The following EIF4EBP2 variants were observed in gnomAD, a reference collection of about 807,000 sequenced individuals.
EIF4EBP2 encodes eukaryotic translation initiation factor 4E-binding protein 2.
A neutral mutation model predicts 10.3 loss-of-function variants in EIF4EBP2; 5 were observed. That is an observed-to-expected ratio of 0.48 (90% CI 0.25 to 1.02). The LOEUF (loss-of-function observed/expected upper bound fraction) is 1.02, where lower values mean the gene tolerates loss of function less well. Ranked by LOEUF, EIF4EBP2 falls within the 50% of genes least tolerant of loss-of-function variation. EIF4EBP2 has a pLI of 0.15. For missense variants in EIF4EBP2, 188 were observed against 162.2 expected (o/e 1.16, Z -0.86); for synonymous variants, 67 against 61.1 (o/e 1.10, Z -0.45).
Position 70,425,155 on chromosome 10 carries a change from G to A in EIF4EBP2, c.*3408G>A, listed in dbSNP as rs1043013543. 6.6e-6 allele frequency: 1 copy of A among 152,254 alleles called. No homozygotes were observed. The highest frequency in any genetic ancestry group is 2.4e-5 in the African/African-American group (1 of 41,458). The allele number at this position is 152,254 out of a possible 1,614,324, so 9.4% of individuals were successfully genotyped here. A position where few individuals can be genotyped will look rare whatever the true frequency, so the allele number is the denominator to read the frequency against. On this transcript the variant is annotated 3_prime_UTR_variant, in exon 3 of 3. Coordinates refer to ENST00000373218, the MANE Select transcript of EIF4EBP2 (RefSeq NM_004096.5). The stretch of plus-strand genomic sequence containing the variant: ...GCAGGATGCCTCAGTTTCTTCCCAT[G>A]TGGGTCTCTGCGTAGGGCAGCATGA...
At position 70,419,893 on chromosome 10, in the gene EIF4EBP2, C is replaced by G. The variant is rs58812979; in HGVS notation, c.146-21C>G. Reference sequence around the variant, plus strand: ...ATAACCCCTTAAATTGTTTCAAACTCTTTTTAACCCTGTTTTCCAGGAACT... The same window carrying G: ...ATAACCCCTTAAATTGTTTCAAACTGTTTTTAACCCTGTTTTCCAGGAACT... On this transcript the variant is annotated intron_variant, in intron 1 of 2. Transcript: ENST00000373218. 1,237 of 1,540,130 alleles carry G rather than the reference C, an allele frequency of 8.0e-4. 10 individuals carry two copies. In the African/African-American group the frequency reaches 0.015, roughly 19 times the overall value.
chr10:70,422,293 C>T lies in EIF4EBP2; in HGVS notation c.*546C>T, dbSNP rs1845166204. ...GAAATGATAAAAAGAGAGCTGCTTT[C>T]CCTTTTACCTTGAGGTATTCGTCCC... is the stretch of plus-strand genomic sequence containing the variant. On this transcript the variant is annotated 3_prime_UTR_variant, in exon 3 of 3. Coordinates refer to ENST00000373218, the MANE Select transcript of EIF4EBP2 (RefSeq NM_004096.5). 1 of 152,800 alleles carries T rather than the reference C, an allele frequency of 6.5e-6. No homozygotes were observed. The highest frequency in any genetic ancestry group is 2.4e-5 in the African/African-American group (1 of 41,464). The allele number at this position is 152,800 out of a possible 1,614,324, so 9.5% of individuals were successfully genotyped here.
intron 1 of EIF4EBP2, 133 bp from the exon 2 acceptor site, chr10:70,419,781 A>G (rs1437820314): frequency 2.9e-6 from 2 of 695,488 alleles, no homozygotes; most frequent in African/African-American, 3.7e-5. Flanking sequence ...GAGGTTAGAG[A>G]TTATGCTTTC....
In EIF4EBP2 at chr10:70,415,010, A is replaced by T. The variant is rs564824285; in HGVS notation, c.146-4904A>T. On this transcript the variant is annotated intron_variant, in intron 1 of 2. Transcript: ENST00000373218. ...CGTCTCTACAAAAAATACAAAAATT[A>T]TTTTTTTCTGGGTGACATGTGCCTG... Among the ~76,000 whole-genome samples the T allele has an allele frequency of 8.6e-5, 13 of 151,152 alleles. No individual in the cohort carries two copies. In the South Asian group the frequency reaches 2.7e-3, roughly 32 times the overall value.
intron 2 of EIF4EBP2, among the ~76,000 whole-genome samples, chr10:70,420,335 G>A (rs1044579975): frequency 2.4e-4 from 36 of 152,140 alleles, no homozygotes; most frequent in African/African-American, 8.0e-4. Context: ...GAGTAGCGGG[G>A]ATTACAGGCG....
chr10:70,408,233 G>T (rs1382264455), intron 1 of EIF4EBP2, among the ~76,000 whole-genome samples: 1 of 145,344 alleles, frequency 6.9e-6, no homozygotes, highest in South Asian at 2.2e-4. Flanking sequence ...CTTCCTGGAC[G>T]GGGCGGCTGG....
At chr10:70,416,837 G>A (rs1168886410) in intron 1 of EIF4EBP2, among the ~76,000 whole-genome samples, 1 of 151,314 alleles carries the variant, frequency 6.6e-6, no homozygotes, top group Non-Finnish European at 1.5e-5. Flanking sequence ...GCTAATTTTT[G>A]TATTTTTTTT....
intron 2 of EIF4EBP2, among the ~76,000 whole-genome samples, chr10:70,420,420 T>G (rs779665755): frequency 3.9e-5 from 6 of 152,052 alleles, no homozygotes; most frequent in Non-Finnish European, 8.8e-5. Flanking sequence ...AGGCTGTTCT[T>G]GAACTCCTGA....
Position 70,428,273 on chromosome 10 carries a change from A to C in EIF4EBP2, c.*6526A>C, listed in dbSNP as rs1243777291. The stretch of plus-strand genomic sequence containing the variant: ...TGTCCATTTTATGCATCTTTAAAAT[A>C]TTTTATTTAAAAAAAAAAATAGCCC... On this transcript the variant is annotated 3_prime_UTR_variant, in exon 3 of 3. Coordinates refer to ENST00000373218, the MANE Select transcript of EIF4EBP2 (RefSeq NM_004096.5). 1 of 151,684 alleles carries C rather than the reference A, an allele frequency of 6.6e-6. No homozygotes were observed. The highest frequency in any genetic ancestry group is 2.4e-5 in the African/African-American group (1 of 41,176). The allele number at this position is 151,684 out of a possible 1,614,324, so 9.4% of individuals were successfully genotyped here. A position where few individuals can be genotyped will look rare whatever the true frequency, so the allele number is the denominator to read the frequency against.
intron 1 of EIF4EBP2, among the ~76,000 whole-genome samples, chr10:70,409,496 A>G (rs1023612725): frequency 1.3e-4 from 20 of 152,204 alleles, no homozygotes; most frequent in African/African-American, 4.8e-4. Context: ...GAAGTTAAGT[A>G]ACTTGTTAGT....
intron 1 of EIF4EBP2, among the ~76,000 whole-genome samples, chr10:70,405,599 A>C (rs530885424): frequency 2.6e-5 from 4 of 152,254 alleles, no homozygotes; most frequent in East Asian, 3.9e-4. Context: ...GAGGGTGGGG[A>C]CTTCGCAGCT....
chr10:70,421,945 G>T lies in EIF4EBP2; in HGVS notation c.*198G>T. On this transcript the variant is annotated 3_prime_UTR_variant, in exon 3 of 3. Transcript: ENST00000373218. ...TGACCATTTCTTCTCCCTGTCTCCT[G>T]TTCCCCTTCCCAGTTAAACAGGTTA... is the stretch of plus-strand genomic sequence containing the variant. 1.7e-6 allele frequency: 1 copy of T among 573,684 alleles called. No homozygotes were observed. Among genetic ancestry groups the T allele is most frequent in the East Asian group, 2.8e-5 (1 of 35,540 alleles). 35.5% of individuals were successfully genotyped at this position (573,684 alleles called of 1,614,324 possible). A position where few individuals can be genotyped will look rare whatever the true frequency, so the allele number is the denominator to read the frequency against.
intron 1 of EIF4EBP2, among the ~76,000 whole-genome samples, chr10:70,409,467 A>G (rs1230172106): frequency 6.6e-6 from 1 of 152,202 alleles, no homozygotes. Flanking sequence ...TTTATTATTG[A>G]GAGAAATTGG....
chr10:70,408,561 G>A (rs532052560), intron 1 of EIF4EBP2, among the ~76,000 whole-genome samples: 3 of 152,298 alleles, frequency 2.0e-5, no homozygotes, highest in South Asian at 4.1e-4. Context: ...CTGACGGTTT[G>A]TGTATCTCTA....
chr10:70,416,398 G>A (rs191456243), intron 1 of EIF4EBP2, among the ~76,000 whole-genome samples: 1 of 152,146 alleles, frequency 6.6e-6, no homozygotes, highest in East Asian at 1.9e-4. Flanking sequence ...AGCCGACATG[G>A]TGAAACCCTG....
At chr10:70,420,230 C>CAAAAA in intron 2 of EIF4EBP2, 131 bp downstream of exon 2, 2 of 858,260 alleles carry the variant, frequency 2.3e-6, no homozygotes, top group Non-Finnish European at 3.4e-6. Context: ...GACACAGTCT[C>CAAAAA]ATTCTGTCAC....
At position 70,422,651 on chromosome 10, in the gene EIF4EBP2, C is replaced by G. The variant is rs1302394035; in HGVS notation, c.*904C>G. ...AGTAATAGAGGCACTTTAGCTTCCA[C>G]TTGGTGGGTAAGGCCTGATCATAGT... On this transcript the variant is annotated 3_prime_UTR_variant, in exon 3 of 3. Transcript: ENST00000373218. The G allele has an allele frequency of 2.0e-5, 3 of 152,170 alleles. No individual in the cohort carries two copies. The highest frequency in any genetic ancestry group is 4.1e-4 in the South Asian group (2 of 4,824). 9.4% of individuals were successfully genotyped at this position (152,170 alleles called of 1,614,324 possible).
intron 1 of EIF4EBP2, among the ~76,000 whole-genome samples, chr10:70,405,592 G>A (rs1010943110): frequency 6.6e-6 from 1 of 152,180 alleles, no homozygotes. Flanking sequence ...CTTGCTAGAG[G>A]GTGGGGACTT....
chr10:70,405,070 A>G (rs1196176930), intron 1 of EIF4EBP2, among the ~76,000 whole-genome samples: 1 of 152,240 alleles, frequency 6.6e-6, no homozygotes, highest in African/African-American at 2.4e-5. Flanking sequence ...GCCCAGCGTT[A>G]TCCCGCTTTG....
Sources: gnomAD v4.1 joint callset for allele counts (sites outside exome capture counted in the v4.1 genomes callset) on GRCh38, gnomAD v4.1.1 for gene constraint, MANE v1.5 for transcripts, NCBI Gene and HGNC (gene_info 2026-07-23, HGNC 2026-07-21) for gene names.